The following GEMIN8 variants were observed in gnomAD, a reference collection of about 807,000 sequenced individuals.
The protein encoded by GEMIN8 is gem-associated protein 8.
For missense variants in GEMIN8, 185 were observed against 205.9 expected (o/e 0.90, Z 0.62); for synonymous variants, 80 against 78.5 (o/e 1.02, Z -0.10).
At chrX:14,009,195 T>A in intron 4 of GEMIN8, 26 bp from the exon 5 acceptor site, 2 of 1,204,909 alleles carry the variant, frequency 1.7e-6, no homozygotes, top group Non-Finnish European at 2.2e-6. Flanking sequence ...AACGTGAACA[T>A]GAACATAAAC....
chrX:14,018,816 A>C (rs1397046396), intron 4 of GEMIN8, among the ~76,000 whole-genome samples: 1 of 89,939 alleles, frequency 1.1e-5, no homozygotes, highest in Non-Finnish European at 2.1e-5. Flanking sequence ...CCCAGGCTGG[A>C]GTACAGTGGT....
At chrX:14,006,703 C>G (rs1324301262), downstream of GEMIN8, among the ~76,000 whole-genome samples, 1 of 111,635 alleles carries the variant, frequency 9.0e-6, no homozygotes, top group Non-Finnish European at 1.9e-5. Flanking sequence ...TGGCACTTCC[C>G]AGTGATTTTT....
At chrX:14,026,263 C>T (rs201710364) in intron 1 of GEMIN8, 42 bp from the exon 2 acceptor site, 3 of 751,977 alleles carry the variant, frequency 4.0e-6, no homozygotes, top group Middle Eastern at 7.6e-4. Flanking sequence ...AGGCCGGGAT[C>T]CGCAGCTCTA....
intron 2 of GEMIN8, among the ~76,000 whole-genome samples, chrX:14,023,747 G>A (rs762630494): frequency 1.8e-4 from 20 of 112,240 alleles, no homozygotes; most frequent in African/African-American, 6.1e-4. Flanking sequence ...TGACATTAAC[G>A]CAAACTGCAT....
chrX:14,007,489 G>A lies in GEMIN8; in HGVS notation c.*1424C>T, dbSNP rs1007009105. On this transcript the variant is annotated 3_prime_UTR_variant, in exon 5 of 5. Transcript: ENST00000680255. ...GTATATAGTAAGAAATCAACTGTGC[G>A]TTTTCTGCAACAGAGGTGACTGCAG... 6.3e-5 allele frequency among the ~76,000 whole-genome samples: 7 copies of A among 111,007 alleles called. No homozygotes were observed. The highest frequency in any genetic ancestry group is 4.8e-3 in the Middle Eastern group (1 of 208).
rs748686919 is a variant in GEMIN8, at chrX:14,020,352, G to A, written c.198C>T (p.Tyr66=). 1.6e-5 allele frequency: 19 copies of A among 1,209,231 alleles called. No individual in the cohort carries two copies. Among genetic ancestry groups the A allele is most frequent in the African/African-American group, 7.0e-5 (4 of 57,182 alleles). ...ACTGAGGATACGCAGCCTCATTATCGTAAGAGCTTTGGGGAAGAAGCGCAG... is the reference window on the plus strand; with the variant it reads ...ACTGAGGATACGCAGCCTCATTATCATAAGAGCTTTGGGGAAGAAGCGCAG... ...LPSALLPQSS[Y]DNEAAYPQSF... Residue 66 remains tyrosine (Y), a synonymous_variant, in exon 4 of 5, where the codon TAC becomes TAT. Transcript: ENST00000680255.
At chrX:13,999,244 TTAAA>T in the GEMIN8 span, among the ~76,000 whole-genome samples, 1 of 110,004 alleles carries the variant, frequency 9.1e-6, no homozygotes, top group Non-Finnish European at 1.9e-5. Flanking sequence ...CATATTCCTG[TTAAA>T]TAAAGCTACG....
chrX:13,984,432 A>G, the GEMIN8 span, among the ~76,000 whole-genome samples: 1 of 112,583 alleles, frequency 8.9e-6, no homozygotes, highest in African/African-American at 3.2e-5. Flanking sequence ...TACCAAATCC[A>G]GCCTACCACC....
At chrX:14,002,250 CAT>C (rs1485217611), downstream of GEMIN8, among the ~76,000 whole-genome samples, 1 of 108,478 alleles carries the variant, frequency 9.2e-6, no homozygotes, top group Non-Finnish European at 1.9e-5. Flanking sequence ...GGTAATTAGA[CAT>C]AGAGTCTTGA....
chrX:14,012,944 A>G (rs947761737), intron 4 of GEMIN8, among the ~76,000 whole-genome samples: 1 of 111,548 alleles, frequency 9.0e-6, no homozygotes, highest in African/African-American at 3.3e-5. Context: ...AATTTTTTAA[A>G]AAGTCCTAAG....
chrX:14,001,743 C>A (rs1922979689), downstream of GEMIN8, among the ~76,000 whole-genome samples: 1 of 111,248 alleles, frequency 9.0e-6, no homozygotes, highest in African/African-American at 3.3e-5. Flanking sequence ...CATCTCTTGA[C>A]CTTGTGATCT....
chrX:14,025,650 T>G (rs1172624362), intron 2 of GEMIN8, among the ~76,000 whole-genome samples: 4 of 111,695 alleles, frequency 3.6e-5, no homozygotes, highest in African/African-American at 1.3e-4. Flanking sequence ...TGCTAATATG[T>G]GGGACAAAAA....
the GEMIN8 span, among the ~76,000 whole-genome samples, chrX:13,996,061 A>C: frequency 8.9e-6 from 1 of 112,030 alleles, no homozygotes; most frequent in Non-Finnish European, 1.9e-5. Flanking sequence ...ATATCTGGTA[A>C]ATCTGCAATG....
the GEMIN8 span, among the ~76,000 whole-genome samples, chrX:13,997,898 CAAA>C: frequency 8.0e-4 from 36 of 45,088 alleles, no homozygotes; most frequent in African/African-American, 2.5e-3. Flanking sequence ...GACTCTGTCT[CAAA>C]AAAAAAAAAA....
downstream of GEMIN8, among the ~76,000 whole-genome samples, chrX:14,002,097 CAAAAAA>C (rs59550732): frequency 0.015 from 354 of 23,625 alleles, 8 homozygotes; most frequent in East Asian, 0.22. Flanking sequence ...TGCACTCCAG[CAAAAAA>C]AAAAAAAAAA....
chrX:14,018,202 T>C (rs955432160), intron 4 of GEMIN8, among the ~76,000 whole-genome samples: 1 of 112,495 alleles, frequency 8.9e-6, no homozygotes, highest in African/African-American at 3.2e-5. Context: ...TTTACCTACC[T>C]AGAGTTCTAC....
In GEMIN8 at chrX:14,006,916, G is replaced by C. The variant is rs1923193933; in HGVS notation, c.*1997C>G. ...CCAGTAGGGGTGAGACCGGCATGGT[G>C]ATTTCTTTAGGGGAGGGTATAAGAG... On this transcript the variant is annotated 3_prime_UTR_variant, in exon 5 of 5. Coordinates refer to ENST00000680255, the MANE Select transcript of GEMIN8 (RefSeq NM_001042479.2). 9.0e-6 allele frequency among the ~76,000 whole-genome samples: 1 copy of C among 111,646 alleles called. No individual in the cohort carries two copies. The highest frequency in any genetic ancestry group is 1.9e-5 in the Non-Finnish European group (1 of 53,141).
downstream of GEMIN8, among the ~76,000 whole-genome samples, chrX:14,002,995 C>T (rs1923025813): frequency 8.9e-6 from 1 of 111,957 alleles, no homozygotes; most frequent in African/African-American, 3.2e-5. Flanking sequence ...CCAAGACACA[C>T]ACCTGAGCCA....
At chrX:13,988,324 GTT>G in the GEMIN8 span, among the ~76,000 whole-genome samples, 4 of 110,912 alleles carry the variant, frequency 3.6e-5, no homozygotes, top group Non-Finnish European at 7.6e-5. Flanking sequence ...GCAAAGTATT[GTT>G]TTATATTCTT....
Sources: allele counts gnomAD v4.1 joint callset (sites outside exome capture counted in the v4.1 genomes callset), GRCh38; gene constraint gnomAD v4.1.1; transcripts MANE v1.5; gene names NCBI Gene and HGNC (gene_info 2026-07-23, HGNC 2026-07-21).